Variants in C14orf39 observed in about 807,000 individuals in gnomAD.
C14orf39 encodes protein SIX6OS1.
Under a neutral mutation model 85.6 loss-of-function variants are expected in C14orf39, and 66 were observed. That is an observed-to-expected ratio of 0.77 (90% CI 0.63 to 0.95). The LOEUF is 0.95. Among genes scored for constraint, C14orf39 ranks in the 40% least tolerant of loss-of-function variants. The pLI, the probability that C14orf39 is intolerant of heterozygous loss-of-function variation, is 0.00. For missense variants in C14orf39, 735 were observed against 663.9 expected (o/e 1.11, Z -1.18); for synonymous variants, 242 against 214.0 (o/e 1.13, Z -1.14).
intron 1 of C14orf39, among the ~76,000 whole-genome samples, chr14:60,501,957 C>T (rs891462662): frequency 6.6e-6 from 1 of 152,166 alleles, no homozygotes; most frequent in Non-Finnish European, 1.5e-5. Context: ...CATTTAATCC[C>T]TACATCTATC....
chr14:60,498,748 T>TA (rs1377776712), intron 2 of C14orf39, among the ~76,000 whole-genome samples: 1 of 152,214 alleles, frequency 6.6e-6, no homozygotes, highest in Non-Finnish European at 1.5e-5. Flanking sequence ...AAGGACATTT[T>TA]AAAAAACATT....
chr14:60,480,489 T>C (rs1442426539), intron 4 of C14orf39, among the ~76,000 whole-genome samples: 4 of 152,156 alleles, frequency 2.6e-5, no homozygotes, highest in Non-Finnish European at 2.9e-5. Flanking sequence ...AAGGAAACTC[T>C]TGGACACTGT....
chr14:60,504,306 A>AGAAGGAAAT (rs1470215359), intron 1 of C14orf39, among the ~76,000 whole-genome samples: 2 of 152,276 alleles, frequency 1.3e-5, no homozygotes, highest in African/African-American at 4.8e-5. Context: ...TATAGTACTT[A>AGAAGGAAAT]GAAGGAAATT....
intron 1 of C14orf39, among the ~76,000 whole-genome samples, chr14:60,507,361 G>A (rs1055190761): frequency 1.3e-5 from 2 of 152,228 alleles, no homozygotes; most frequent in South Asian, 4.1e-4. Flanking sequence ...CCTTGTATCC[G>A]ATGTTTCTTT....
intron 16 of C14orf39, among the ~76,000 whole-genome samples, chr14:60,454,443 C>T (rs1431487535): frequency 6.6e-6 from 1 of 151,966 alleles, no homozygotes; most frequent in African/African-American, 2.4e-5. Flanking sequence ...ATCTGGTACA[C>T]ACCTAAGTAG....
intron 16 of C14orf39, among the ~76,000 whole-genome samples, chr14:60,444,134 C>T (rs1000886967): frequency 2.0e-5 from 3 of 152,172 alleles, no homozygotes; most frequent in African/African-American, 7.2e-5. Context: ...ACCAGAGTGC[C>T]TCTTCTCCTC....
rs184563233 is a variant in C14orf39 at position 60,442,349 on chromosome 14, A to C, written c.1504-218T>G. On this transcript the variant is annotated intron_variant, in intron 16 of 17. Transcript: ENST00000321731. Reference sequence around the variant, plus strand: ...GGTCTATTGATTTGATTCAGGCAAAATACACTGTACTAAAGATAGCTCTTA... The same window carrying C: ...GGTCTATTGATTTGATTCAGGCAAACTACACTGTACTAAAGATAGCTCTTA... Among the ~76,000 whole-genome samples, 11 of 152,278 alleles carry C rather than the reference A, an allele frequency of 7.2e-5. 2 individuals are homozygous for C. Among genetic ancestry groups the C allele is most frequent in the African/African-American group, 2.6e-4 (11 of 41,566 alleles).
chr14:60,436,919 T>C lies in C14orf39; in HGVS notation c.1690A>G (p.Asn564Asp). 1.9e-6 allele frequency: 3 copies of C among 1,612,890 alleles called. No homozygotes were observed. The highest frequency in any genetic ancestry group is 2.5e-6 in the Non-Finnish European group (3 of 1,179,196). ...SFPFSFGQGQ[N>D]SIPSSSLKGF... ...TTTAAAGAAGAAGAAGGTATTGAAT[T>C]TTGACCCTGTCCAAATGAAAATGGA... The change falls in exon 18 of 18, where the codon AAT becomes GAT. Residue 564 changes from asparagine to aspartate, a missense_variant. Coordinates refer to ENST00000321731, the MANE Select transcript of C14orf39 (RefSeq NM_174978.3).
intron 15 of C14orf39, among the ~76,000 whole-genome samples, chr14:60,456,296 T>C (rs1458684817): frequency 6.6e-6 from 1 of 152,074 alleles, no homozygotes; most frequent in Admixed American, 6.6e-5. Context: ...TATTTATGCC[T>C]AAAGAGCTTG....
At chr14:60,442,812 C>T (rs1890585478) in intron 16 of C14orf39, among the ~76,000 whole-genome samples, 1 of 152,148 alleles carries the variant, frequency 6.6e-6, no homozygotes, top group South Asian at 2.1e-4. Flanking sequence ...ATAAGGAAAG[C>T]TGTTTTCTCA....
intron 1 of C14orf39, among the ~76,000 whole-genome samples, chr14:60,514,889 G>A (rs952065832): frequency 3.9e-5 from 6 of 152,164 alleles, no homozygotes; most frequent in African/African-American, 1.4e-4. Context: ...GTGAATGGGG[G>A]GTCTGTGGAG....
rs11417576 is a variant in C14orf39, at chr14:60,456,426, CT to C, written c.1358+490del. Among the ~76,000 whole-genome samples the C allele has an allele frequency of 3.3e-3, 465 of 142,298 alleles. 1 individual carries two copies. The highest frequency in any genetic ancestry group is 0.011 in the African/African-American group (409 of 38,896). 93.4% of individuals were successfully genotyped at this position (142,298 alleles called of 152,430 possible). Reference sequence around the variant, plus strand: ...ATGTGACAACAGCTTTTTAGCTTGACTTTTTTTTTTTTTTTAATAGAGTCTC... The same window carrying C: ...ATGTGACAACAGCTTTTTAGCTTGACTTTTTTTTTTTTTTAATAGAGTCTC... On this transcript the variant is annotated intron_variant, in intron 15 of 17. Transcript: ENST00000321731.
At chr14:60,510,170 C>T (rs1187491479) in intron 1 of C14orf39, among the ~76,000 whole-genome samples, 2 of 152,112 alleles carry the variant, frequency 1.3e-5, no homozygotes, top group Non-Finnish European at 2.9e-5. Flanking sequence ...CCGCTGGCTC[C>T]CCACGCCTGC....
Position 60,484,249 on chromosome 14 carries a change from T to C in C14orf39, c.107-432A>G, listed in dbSNP as rs1442268819. Among the ~76,000 whole-genome samples, 1 of 152,224 alleles carries C rather than the reference T, an allele frequency of 6.6e-6. No individual in the cohort carries two copies. Among genetic ancestry groups the C allele is most frequent in the Non-Finnish European group, 1.5e-5 (1 of 68,032 alleles). On this transcript the variant is annotated intron_variant, in intron 3 of 17. Coordinates refer to ENST00000321731, the MANE Select transcript of C14orf39 (RefSeq NM_174978.3). This position sits in a 1 kb window ranked among gnomAD's most constrained non-coding sequence, Gnocchi z 4.2. ...TTATTAAACGCACTTTCAACTCACT[T>C]ATTTCTGTTACTAGTGATTAAATAG...
chr14:60,465,150 C>G (rs116334591), intron 11 of C14orf39, among the ~76,000 whole-genome samples: 1 of 152,094 alleles, frequency 6.6e-6, no homozygotes, highest in African/African-American at 2.4e-5. Context: ...TCTCATTTAT[C>G]TTTCCACCCT....
At chr14:60,514,638 G>C (rs1893336924) in intron 1 of C14orf39, among the ~76,000 whole-genome samples, 1 of 152,140 alleles carries the variant, frequency 6.6e-6, no homozygotes, top group Non-Finnish European at 1.5e-5. Context: ...GAAGACGATG[G>C]GGGTGGGGAG....
In C14orf39 at chr14:60,507,825, G is replaced by C. The variant is rs371215057; in HGVS notation, c.-144+7570C>G. On this transcript the variant is annotated intron_variant, in intron 1 of 5. Coordinates refer to the C14orf39 transcript ENST00000556799. ...CTGTGAACGTTCTCACCTGATTTCT[G>C]TCTAGGGATGGACCTCCCCAAAACG... Among the ~76,000 whole-genome samples the C allele has an allele frequency of 1.4e-4, 22 of 152,276 alleles. No homozygotes were observed. The East Asian group carries it at 2.3e-3, about 16-fold the overall frequency.
intron 13 of C14orf39, 96 bp from the exon 14 acceptor site, chr14:60,458,835 T>C (rs1035742236): frequency 4.0e-5 from 40 of 990,698 alleles, no homozygotes; most frequent in Non-Finnish European, 5.8e-5. Context: ...ATTTAGCTGT[T>C]TTAACCTACA....
In C14orf39 at chr14:60,491,426, A is replaced by G. The variant is rs1250142190; in HGVS notation, c.-8-6340T>C. On this transcript the variant is annotated intron_variant, in intron 2 of 5. Transcript: ENST00000556799. The surrounding 1 kb of genome is among the most constrained non-coding windows in gnomAD (Gnocchi z 4.5). Reference sequence around the variant, plus strand: ...ATTACATTAGGGATTAAGTTTCAACATGAATTGTGGAGGGACACAAACATT... The same window carrying G: ...ATTACATTAGGGATTAAGTTTCAACGTGAATTGTGGAGGGACACAAACATT... Among the ~76,000 whole-genome samples the G allele has an allele frequency of 6.6e-6, 1 of 152,236 alleles. No homozygotes were observed. The highest frequency in any genetic ancestry group is 2.4e-5 in the African/African-American group (1 of 41,466).
Sources: gnomAD v4.1 joint callset for allele counts (sites outside exome capture counted in the v4.1 genomes callset) on GRCh38, gnomAD v4.1.1 for gene constraint, Gnocchi (gnomAD v3.1) non-coding constraint, MANE v1.5 for transcripts, NCBI Gene and HGNC (gene_info 2026-07-23, HGNC 2026-07-21) for gene names.